The following COL11A1 variants were observed in gnomAD, a reference collection of about 807,000 sequenced individuals.
COL11A1 encodes the protein collagen type XI alpha 1 chain.
In COL11A1, 74 loss-of-function variants were observed where a neutral mutation model predicts 265.2. The ratio of observed to expected loss-of-function variants is 0.28; its 90% CI spans 0.23 to 0.34. The LOEUF (loss-of-function observed/expected upper bound fraction) is 0.34, where lower values mean the gene tolerates loss of function less well. Ranked by LOEUF, COL11A1 falls within the 10% of genes least tolerant of loss-of-function variation. The pLI, the probability that COL11A1 is intolerant of heterozygous loss-of-function variation, is 1.00. For missense variants in COL11A1, 2,165 were observed against 2,263.6 expected (o/e 0.96, Z 0.88); for synonymous variants, 816 against 727.6 (o/e 1.12, Z -1.96).
At chr1:103,054,421 G>C (rs943175615) in intron 4 of COL11A1, among the ~76,000 whole-genome samples, 1 of 151,986 alleles carries the variant, frequency 6.6e-6, no homozygotes, top group Non-Finnish European at 1.5e-5. Context: ...ACGTTCAAAT[G>C]GCATTTTGCT....
In COL11A1 at chr1:103,022,666, A is replaced by T. The variant is rs1047118330; in HGVS notation, c.1245+76T>A. ...CAACCTGCATTTTAAACCTGAAAAG[A>T]CATTAAGATGGACATGGACATAAAA... On this transcript the variant is annotated intron_variant, in intron 8 of 66. Coordinates refer to ENST00000370096, the MANE Select transcript of COL11A1 (RefSeq NM_001854.4). The T allele has an allele frequency of 2.7e-5, 42 of 1,573,624 alleles. 1 individual carries two copies. The South Asian group carries it at 4.3e-4, about 16-fold the overall frequency.
rs1010397769 is a variant in COL11A1, at chr1:102,881,776, G to A, written c.4972-11C>T. The A allele has an allele frequency of 1.2e-6, 2 of 1,611,204 alleles. No individual in the cohort carries two copies. The highest frequency in any genetic ancestry group is 2.2e-5 in the South Asian group (2 of 90,996). On this transcript the variant is annotated splice_polypyrimidine_tract_variant and intron_variant, in intron 64 of 66. Transcript: ENST00000370096. ...TGATGAAATTCTTACCTGTTGCAAA[G>A]GAACAGAAAAGTTAGTGAGTAGGTG...
rs116107226 is a variant in COL11A1 at position 102,997,938 on chromosome 1, G to C, written c.2196+372C>G. On this transcript the variant is annotated intron_variant, in intron 25 of 66. Coordinates refer to ENST00000370096, the MANE Select transcript of COL11A1 (RefSeq NM_001854.4). Reference sequence around the variant, plus strand: ...ATACTTTGAAAAGGAGGAGAAGATGGAAGGGCTTTCTAGGAGAGGAAACAG... The same window carrying C: ...ATACTTTGAAAAGGAGGAGAAGATGCAAGGGCTTTCTAGGAGAGGAAACAG... 3.0e-3 allele frequency among the ~76,000 whole-genome samples: 461 copies of C among 152,012 alleles called. 1 individual carries two copies. Among genetic ancestry groups the C allele is most frequent in the African/African-American group, 0.011 (444 of 41,526 alleles).
At chr1:102,910,840 C>T (rs1654584130) in intron 54 of COL11A1, among the ~76,000 whole-genome samples, 1 of 151,998 alleles carries the variant, frequency 6.6e-6, no homozygotes, top group South Asian at 2.1e-4. Context: ...GTTCTACTAA[C>T]CACATTATAT....
chr1:102,892,785 T>G (rs1017564584), intron 57 of COL11A1, among the ~76,000 whole-genome samples: 1 of 152,164 alleles, frequency 6.6e-6, no homozygotes. Context: ...TCTCTAAGTA[T>G]TAAAGTGGAC....
chr1:102,964,008 T>TC (rs1557878661), intron 38 of COL11A1, among the ~76,000 whole-genome samples: 1 of 152,188 alleles, frequency 6.6e-6, no homozygotes, highest in African/African-American at 2.4e-5. Context: ...TGGTTTTTTT[T>TC]CTCTTAAAAA....
At chr1:103,069,205 T>TAA (rs140204651) in intron 4 of COL11A1, among the ~76,000 whole-genome samples, 1 of 151,180 alleles carries the variant, frequency 6.6e-6, no homozygotes, top group Non-Finnish European at 1.5e-5. Context: ...ATGGTAGTAG[T>TAA]AAAAAAAATG....
chr1:103,045,257 GCCA>G (rs1669152888), intron 4 of COL11A1, among the ~76,000 whole-genome samples: 1 of 152,114 alleles, frequency 6.6e-6, no homozygotes, highest in Non-Finnish European at 1.5e-5. Context: ...GAAATGAAAT[GCCA>G]CTGGAAGATT....
intron 41 of COL11A1, among the ~76,000 whole-genome samples, chr1:102,954,113 T>C (rs1432140017): frequency 2.6e-5 from 4 of 152,188 alleles, no homozygotes; most frequent in African/African-American, 9.6e-5. Flanking sequence ...AAAGTGAACA[T>C]TTACATGCTT....
intron 42 of COL11A1, among the ~76,000 whole-genome samples, chr1:102,941,928 A>C (rs1658768524): frequency 6.6e-6 from 1 of 152,166 alleles, no homozygotes; most frequent in African/African-American, 2.4e-5. Flanking sequence ...TAGTCACTTA[A>C]GGAACTGTTG....
intron 54 of COL11A1, among the ~76,000 whole-genome samples, chr1:102,906,658 T>G (rs568097272): frequency 2.0e-5 from 3 of 152,246 alleles, no homozygotes; most frequent in Non-Finnish European, 2.9e-5. Flanking sequence ...CCTAAGTCTC[T>G]GAAAGTGCTG....
chr1:103,023,467 C>T (rs1212145299), intron 7 of COL11A1, among the ~76,000 whole-genome samples: 1 of 151,444 alleles, frequency 6.6e-6, no homozygotes, highest in Non-Finnish European at 1.5e-5. Flanking sequence ...AAGTGATTCT[C>T]CTGCCTCAGC....
At chr1:103,005,225 TATTCTC>T (rs1665487186) in intron 18 of COL11A1, among the ~76,000 whole-genome samples, 2 of 152,256 alleles carry the variant, frequency 1.3e-5, no homozygotes, top group African/African-American at 4.8e-5. Context: ...AAGCTTATCT[TATTCTC>T]ATTATTAATG....
In COL11A1 at chr1:103,017,897, A is replaced by G. The variant is rs565807444; in HGVS notation, c.1351-15T>C. ...CCCATAATACCCTATAGAGAAACACACCATATCTTAATCAGATTCCTAATC... is the reference window on the plus strand; with the variant it reads ...CCCATAATACCCTATAGAGAAACACGCCATATCTTAATCAGATTCCTAATC... On this transcript the variant is annotated splice_polypyrimidine_tract_variant and intron_variant, in intron 10 of 66. Transcript: ENST00000370096. 2 of 1,596,876 alleles carry G rather than the reference A, an allele frequency of 1.3e-6. No homozygotes were observed. Among genetic ancestry groups the G allele is most frequent in the East Asian group, 4.5e-5 (2 of 44,770 alleles).
intron 8 of COL11A1, among the ~76,000 whole-genome samples, chr1:103,022,374 C>G (rs1667165372): frequency 6.6e-6 from 1 of 151,846 alleles, no homozygotes; most frequent in Admixed American, 6.6e-5. Context: ...AGTTATTATT[C>G]CCAGGCATTA....
chr1:103,002,608 T>G, intron 22 of COL11A1, 127 bp from the exon 23 acceptor site: 1 of 1,124,714 alleles, frequency 8.9e-7, no homozygotes, highest in South Asian at 1.3e-5. Flanking sequence ...TGGAAAATAT[T>G]TCAAAATATT....
At chr1:102,975,013 T>TC in intron 35 of COL11A1, 130 bp from the exon 36 acceptor site, 3 of 727,248 alleles carry the variant, frequency 4.1e-6, no homozygotes, top group Non-Finnish European at 7.4e-6. Flanking sequence ...GACAGAACTA[T>TC]GGTAATACAA....
intron 21 of COL11A1, 132 bp from the exon 22 acceptor site, chr1:103,002,923 A>G (rs1665255358): frequency 1.1e-6 from 1 of 915,390 alleles, no homozygotes; most frequent in Non-Finnish European, 1.7e-6. Flanking sequence ...TTTAATGGAA[A>G]CGAAGAAGAG....
chr1:103,047,794 TGA>T (rs1257354980), intron 4 of COL11A1, among the ~76,000 whole-genome samples: 1 of 152,204 alleles, frequency 6.6e-6, no homozygotes, highest in African/African-American at 2.4e-5. Context: ...CCTAATTTAT[TGA>T]GAGTTTTTAG....
Sources: gnomAD v4.1 joint callset for allele counts (sites outside exome capture counted in the v4.1 genomes callset) on GRCh38, gnomAD v4.1.1 for gene constraint, MANE v1.5 for transcripts, NCBI Gene and HGNC (gene_info 2026-07-23, HGNC 2026-07-21) for gene names.